C1orf21: variants seen among roughly 807,000 people sequenced by gnomAD.
C1orf21 encodes uncharacterized protein C1orf21.
A neutral mutation model predicts 18.7 loss-of-function variants in C1orf21; 3 were observed. The observed-to-expected ratio is 0.16, with a 90% confidence interval of 0.07 to 0.42. The LOEUF (loss-of-function observed/expected upper bound fraction) is 0.42, where lower values mean the gene tolerates loss of function less well. Among genes scored for constraint, C1orf21 ranks in the 10% least tolerant of loss-of-function variants. The probability of loss-of-function intolerance (pLI) is 0.99; values close to 1 mark genes in which losing one functional copy is unlikely to be tolerated. For synonymous variants in C1orf21, 41 were observed against 46.4 expected (o/e 0.88, Z 0.47); for missense variants, 104 against 143.6 (o/e 0.72, Z 1.41).
intron 3 of C1orf21, among the ~76,000 whole-genome samples, chr1:184,511,390 C>T (rs923825270): frequency 6.6e-6 from 1 of 152,066 alleles, no homozygotes; most frequent in Non-Finnish European, 1.5e-5. Flanking sequence ...CCTAAATTAC[C>T]ACAATTCAGG....
chr1:184,598,670 T>G (rs1659549198), intron 5 of C1orf21, among the ~76,000 whole-genome samples: 1 of 152,174 alleles, frequency 6.6e-6, no homozygotes, highest in Non-Finnish European at 1.5e-5. Flanking sequence ...CCCAGGACTG[T>G]CCTTGCCTAT....
At chr1:184,583,067 G>A (rs1164014456) in intron 3 of C1orf21, among the ~76,000 whole-genome samples, 1 of 152,118 alleles carries the variant, frequency 6.6e-6, no homozygotes, top group Non-Finnish European at 1.5e-5. Context: ...TCAAACTCCT[G>A]ACCTCAGGTG....
At chr1:184,420,834 C>T (rs1489827997) in intron 1 of C1orf21, among the ~76,000 whole-genome samples, 1 of 151,398 alleles carries the variant, frequency 6.6e-6, no homozygotes, top group Non-Finnish European at 1.5e-5. Context: ...AATAAGAAAA[C>T]CTGTAATATA....
chr1:184,477,064 G>T (rs1236384563), intron 1 of C1orf21, among the ~76,000 whole-genome samples: 1 of 152,048 alleles, frequency 6.6e-6, no homozygotes, highest in Non-Finnish European at 1.5e-5. Flanking sequence ...AAACTTACAG[G>T]TACTTTAAGA....
At chr1:184,596,402 C>A (rs1659513041) in intron 4 of C1orf21, among the ~76,000 whole-genome samples, 1 of 152,052 alleles carries the variant, frequency 6.6e-6, no homozygotes, top group Admixed American at 6.6e-5. Flanking sequence ...ATATTTTTGG[C>A]CCTCCTGCTA....
At chr1:184,437,669 G>A (rs1374527851) in intron 1 of C1orf21, among the ~76,000 whole-genome samples, 1 of 152,052 alleles carries the variant, frequency 6.6e-6, no homozygotes, top group East Asian at 1.9e-4. Context: ...CAGTTTCATG[G>A]AAGACAATTT....
chr1:184,420,668 T>C (rs751046414), intron 1 of C1orf21, among the ~76,000 whole-genome samples: 2 of 152,188 alleles, frequency 1.3e-5, no homozygotes, highest in Non-Finnish European at 2.9e-5. Flanking sequence ...AAAAAATGTT[T>C]TATTTGGCAT....
At chr1:184,583,128 T>C (rs1659300179) in intron 3 of C1orf21, among the ~76,000 whole-genome samples, 1 of 152,144 alleles carries the variant, frequency 6.6e-6, no homozygotes, top group Non-Finnish European at 1.5e-5. Context: ...CGTGAGCCAC[T>C]GTGCCTGGCC....
At chr1:184,606,396 C>T (rs749600554) in intron 5 of C1orf21, among the ~76,000 whole-genome samples, 11 of 151,952 alleles carry the variant, frequency 7.2e-5, no homozygotes, top group Non-Finnish European at 1.5e-4. Flanking sequence ...GGCAACATTG[C>T]AAGACCCTGT....
At chr1:184,414,371 C>T (rs1656413369) in intron 1 of C1orf21, among the ~76,000 whole-genome samples, 2 of 152,118 alleles carry the variant, frequency 1.3e-5, no homozygotes, top group Admixed American at 1.3e-4. Context: ...TCAAGCATTT[C>T]TCCTGCCTCG....
intron 3 of C1orf21, among the ~76,000 whole-genome samples, chr1:184,582,927 C>T (rs1444438707): frequency 1.3e-5 from 2 of 152,142 alleles, no homozygotes; most frequent in African/African-American, 4.8e-5. Flanking sequence ...AAACCTCCAT[C>T]TCCCGGTTTC....
chr1:184,425,353 C>T (rs551560810), intron 1 of C1orf21, among the ~76,000 whole-genome samples: 139 of 151,854 alleles, frequency 9.2e-4, no homozygotes, highest in Non-Finnish European at 1.7e-3. Context: ...GCAGCCTCCA[C>T]CTCCTGGGTT....
chr1:184,431,151 A>G (rs1656756961), intron 1 of C1orf21, among the ~76,000 whole-genome samples: 1 of 152,170 alleles, frequency 6.6e-6, no homozygotes, highest in Non-Finnish European at 1.5e-5. Flanking sequence ...AAAAGAGCCC[A>G]TATAGCCAAG....
chr1:184,389,314 C>G (rs1655935067), intron 1 of C1orf21, among the ~76,000 whole-genome samples: 1 of 152,108 alleles, frequency 6.6e-6, no homozygotes, highest in Admixed American at 6.5e-5. Context: ...GAAAAATGGC[C>G]TTGGGTGGTA....
chr1:184,410,685 A>G (rs1335298373), intron 1 of C1orf21, among the ~76,000 whole-genome samples: 2 of 38,208 alleles, frequency 5.2e-5, no homozygotes, highest in Non-Finnish European at 5.9e-5. Context: ...TTTTTTTGAG[A>G]TGGAGTTTCG....
intron 1 of C1orf21, among the ~76,000 whole-genome samples, chr1:184,438,324 G>A (rs1571357566): frequency 6.6e-6 from 1 of 152,154 alleles, no homozygotes; most frequent in African/African-American, 2.4e-5. Context: ...TTCCCTTTTA[G>A]GAATTTGAGA....
At chr1:184,473,752 G>C (rs1025854600) in intron 1 of C1orf21, among the ~76,000 whole-genome samples, 5 of 152,174 alleles carry the variant, frequency 3.3e-5, no homozygotes, top group African/African-American at 1.2e-4. Context: ...CCAAAGCTGA[G>C]CCAAATGCCT....
chr1:184,438,489 C>T lies in C1orf21; in HGVS notation c.-124-38897C>T, dbSNP rs560597179. Reference sequence around the variant, plus strand: ...CTCAAGTTCCATAGTGCAATGTTTCCAGACACTTTTCACCTCACACTCCAT... The same window carrying T: ...CTCAAGTTCCATAGTGCAATGTTTCTAGACACTTTTCACCTCACACTCCAT... On this transcript the variant is annotated intron_variant, in intron 1 of 5. Transcript: ENST00000235307. Among the ~76,000 whole-genome samples the T allele has an allele frequency of 4.6e-5, 7 of 152,244 alleles. No individual in the cohort carries two copies. In the South Asian group the frequency reaches 1.5e-3, roughly 32 times the overall value.
At chr1:184,571,169 C>T (rs1236180668) in intron 3 of C1orf21, among the ~76,000 whole-genome samples, 3 of 150,324 alleles carry the variant, frequency 2.0e-5, no homozygotes, top group South Asian at 4.2e-4. Flanking sequence ...TAGTGGCGGG[C>T]GCCTGTAGTC....
Sources: gnomAD v4.1 joint callset for allele counts (sites outside exome capture counted in the v4.1 genomes callset) on GRCh38, gnomAD v4.1.1 for gene constraint, MANE v1.5 for transcripts, NCBI Gene and HGNC (gene_info 2026-07-23, HGNC 2026-07-21) for gene names.